Variants in EIF4E3 observed in about 807,000 individuals in gnomAD.
EIF4E3 encodes the protein eukaryotic translation initiation factor 4E type 3.
A neutral mutation model predicts 31.7 loss-of-function variants in EIF4E3; 26 were observed. The ratio of observed to expected loss-of-function variants is 0.82; its 90% CI spans 0.60 to 1.14. The LOEUF (loss-of-function observed/expected upper bound fraction) is 1.14, where lower values mean the gene tolerates loss of function less well. EIF4E3 is among the 50% of genes most tolerant of loss of function. The pLI is 0.00. For synonymous variants in EIF4E3, 128 were observed against 107.7 expected (o/e 1.19, Z -1.17); for missense variants, 304 against 270.9 (o/e 1.12, Z -0.86).
At chr3:71,669,218 A>C in the EIF4E3 span, among the ~76,000 whole-genome samples, 1 of 92,932 alleles carries the variant, frequency 1.1e-5, no homozygotes, top group African/African-American at 4.3e-5. Context: ...GGCAGGGCAC[A>C]GGGAGGGGAC....
the EIF4E3 span, among the ~76,000 whole-genome samples, chr3:71,669,125 T>A: frequency 6.6e-6 from 1 of 151,900 alleles, no homozygotes; most frequent in African/African-American, 2.4e-5. Flanking sequence ...AAACCATCAT[T>A]CTCAGCAAAC....
chr3:71,694,881 A>C (rs547410253), intron 4 of EIF4E3, among the ~76,000 whole-genome samples: 1 of 152,324 alleles, frequency 6.6e-6, no homozygotes, highest in East Asian at 1.9e-4. Flanking sequence ...TGACTGCAAT[A>C]AAAGGGCTTA....
intron 1 of EIF4E3, among the ~76,000 whole-genome samples, chr3:71,723,362 C>A (rs769994549): frequency 6.6e-6 from 1 of 152,166 alleles, no homozygotes; most frequent in Admixed American, 6.5e-5. Flanking sequence ...AATATTGGAA[C>A]TCATTATAAT....
At position 71,723,887 on chromosome 3, in the gene EIF4E3, T is replaced by C. The variant is rs115193440; in HGVS notation, c.176+1305A>G. Among the ~76,000 whole-genome samples the C allele has an allele frequency of 2.2e-3, 334 of 152,248 alleles. 1 individual carries two copies. The highest frequency in any genetic ancestry group is 4.6e-3 in the Admixed American group (70 of 15,294). ...ACTCCATCTCCCCCACCCCCAACTTTTTTGGGTCTCCGGCAAAGAAAATGG... is the reference window on the plus strand; with the variant it reads ...ACTCCATCTCCCCCACCCCCAACTTCTTTGGGTCTCCGGCAAAGAAAATGG... On this transcript the variant is annotated intron_variant, in intron 1 of 6. Coordinates refer to ENST00000425534, the MANE Select transcript of EIF4E3 (RefSeq NM_001134651.2).
rs865794237 is a variant in EIF4E3 at position 71,683,006 on chromosome 3, T to C, written c.*1676A>G. On this transcript the variant is annotated 3_prime_UTR_variant, in exon 7 of 7. Transcript: ENST00000425534. ...AACAAGTTGAATGTTAGTACAATGT[T>C]TGGAGAAACAAGTCCTAGGCTTTTG... 3 of 152,164 alleles carry C rather than the reference T, an allele frequency of 2.0e-5. No individual in the cohort carries two copies. Among genetic ancestry groups the C allele is most frequent in the African/African-American group, 4.8e-5 (2 of 41,416 alleles). 9.4% of individuals were successfully genotyped at this position (152,164 alleles called of 1,614,324 possible).
At chr3:71,699,533 A>T (rs1260214788) in intron 3 of EIF4E3, 81 bp downstream of exon 3, 1 of 1,246,980 alleles carries the variant, frequency 8.0e-7, no homozygotes, top group Non-Finnish European at 1.2e-6. Flanking sequence ...TGAGACACAC[A>T]TCTCAGGTGA....
chr3:71,725,438 CCCCCG>C (rs539914293), upstream of EIF4E3: 151 of 794,724 alleles, frequency 1.9e-4, no homozygotes, highest in African/African-American at 6.4e-4. The surrounding 1 kb of genome is among the most constrained non-coding windows in gnomAD (Gnocchi z 6.1). Context: ...TCACCCCCGG[CCCCCG>C]CCCCGCCCCG....
At chr3:71,709,333 G>C (rs1478947366) in intron 2 of EIF4E3, among the ~76,000 whole-genome samples, 1 of 152,182 alleles carries the variant, frequency 6.6e-6, no homozygotes, top group African/African-American at 2.4e-5. Context: ...GAGAAACTGG[G>C]TAGAACCTGC....
In EIF4E3 at chr3:71,677,867, A is replaced by G. The variant is rs1010812327; in HGVS notation, c.*6815T>C. On this transcript the variant is annotated 3_prime_UTR_variant, in exon 7 of 7. Transcript: ENST00000425534. ...AATCTCACCAGCAAATTGCAGCACA[A>G]AAGAGCAACGAGAGTAATTGACTTA... is the stretch of plus-strand genomic sequence containing the variant. 6 of 152,222 alleles carry G rather than the reference A, an allele frequency of 3.9e-5. No homozygotes were observed. The highest frequency in any genetic ancestry group is 3.3e-4 in the Admixed American group (5 of 15,284). The allele number at this position is 152,222 out of a possible 1,614,324, so 9.4% of individuals were successfully genotyped here. A position where few individuals can be genotyped will look rare whatever the true frequency, so the allele number is the denominator to read the frequency against.
intron 2 of EIF4E3, among the ~76,000 whole-genome samples, chr3:71,701,833 T>C (rs907938845): frequency 6.6e-5 from 10 of 152,216 alleles, no homozygotes; most frequent in African/African-American, 2.4e-4. Flanking sequence ...TAATTGAGAA[T>C]CCACTTTGGC....
At chr3:71,754,644 C>A, upstream of EIF4E3, 1 of 1,491,792 alleles carries the variant, frequency 6.7e-7, no homozygotes, top group Admixed American at 2.1e-5. The surrounding 1 kb of genome is among the most constrained non-coding windows in gnomAD (Gnocchi z 5.8). Context: ...CGCCACGCAC[C>A]TCGTCTACCT....
intron 1 of EIF4E3, among the ~76,000 whole-genome samples, chr3:71,750,165 A>G (rs1297241071): frequency 6.6e-6 from 1 of 152,206 alleles, no homozygotes; most frequent in Non-Finnish European, 1.5e-5. Flanking sequence ...CTGAAAAATA[A>G]ATCTCTCCCC....
intron 4 of EIF4E3, among the ~76,000 whole-genome samples, chr3:71,695,196 A>C (rs761744829): frequency 2.0e-5 from 3 of 152,184 alleles, no homozygotes; most frequent in Non-Finnish European, 4.4e-5. Flanking sequence ...GAGAGCTGCG[A>C]GAGGCTGTTA....
At chr3:71,659,590 C>T in the EIF4E3 span, among the ~76,000 whole-genome samples, 4 of 152,240 alleles carry the variant, frequency 2.6e-5, no homozygotes, top group African/African-American at 7.2e-5. Flanking sequence ...AAGGAGAAAG[C>T]GTGTCAAGAT....
chr3:71,684,710 G>GCAT lies in EIF4E3; in HGVS notation c.644_646dup (p.His215_Ala216insAsp). 1 of 1,613,636 alleles carries GCAT rather than the reference G, an allele frequency of 6.2e-7. No individual in the cohort carries two copies. The highest frequency in any genetic ancestry group is 8.5e-7 in the Non-Finnish European group (1 of 1,179,882). On this transcript the variant is annotated inframe_insertion, in exon 7 of 7. Transcript: ENST00000425534. Reference sequence around the variant, plus strand: ...GTGTTTTCCACGTCCACCTTCAAAAGCATGATGCTCTTCATGGGCTAAAGG... The same window carrying GCAT: ...GTGTTTTCCACGTCCACCTTCAAAAGCATCATGATGCTCTTCATGGGCTAAAGG...
chr3:71,677,471 C>T lies in EIF4E3; in HGVS notation c.*7211G>A, dbSNP rs972208033. 1.4e-4 allele frequency: 22 copies of T among 152,056 alleles called. No homozygotes were observed. Among genetic ancestry groups the T allele is most frequent in the African/African-American group, 5.1e-4 (21 of 41,370 alleles). 9.4% of individuals were successfully genotyped at this position (152,056 alleles called of 1,614,324 possible). The stretch of plus-strand genomic sequence containing the variant: ...TACGTTAGGTGACAAGGCAGAGGAA[C>T]CTATGCTAATAGAACAACCGAGAAC... On this transcript the variant is annotated 3_prime_UTR_variant, in exon 7 of 7. Coordinates refer to ENST00000425534, the MANE Select transcript of EIF4E3 (RefSeq NM_001134651.2).
chr3:71,671,591 G>A (rs1189495794), downstream of EIF4E3, among the ~76,000 whole-genome samples: 7 of 152,102 alleles, frequency 4.6e-5, no homozygotes, highest in Admixed American at 1.3e-4. Flanking sequence ...AATGAGAGAT[G>A]GGCCCGTGTG....
intron 1 of EIF4E3, among the ~76,000 whole-genome samples, chr3:71,740,239 C>T (rs1020856980): frequency 1.3e-5 from 2 of 152,014 alleles, no homozygotes; most frequent in African/African-American, 4.8e-5. Context: ...TAAATCTTAC[C>T]ATATTAATAT....
chr3:71,670,606 T>C (rs2048842776), downstream of EIF4E3, among the ~76,000 whole-genome samples: 1 of 152,236 alleles, frequency 6.6e-6, no homozygotes, highest in Non-Finnish European at 1.5e-5. Flanking sequence ...GTATTACTTT[T>C]GTCCTTAACA....
Sources: allele counts gnomAD v4.1 joint callset (sites outside exome capture counted in the v4.1 genomes callset), GRCh38; gene constraint gnomAD v4.1.1; non-coding constraint Gnocchi (gnomAD v3.1); transcripts MANE v1.5; gene names NCBI Gene and HGNC (gene_info 2026-07-23, HGNC 2026-07-21).